Variants in TMEM132D observed in about 807,000 individuals in gnomAD.
TMEM132D encodes the protein transmembrane protein 132D.
A neutral mutation model predicts 62.3 loss-of-function variants in TMEM132D; 21 were observed. The ratio of observed to expected loss-of-function variants is 0.34; its 90% CI spans 0.24 to 0.49. The LOEUF (loss-of-function observed/expected upper bound fraction) is 0.49. TMEM132D is among the 20% of genes least tolerant of loss of function. The probability of loss-of-function intolerance (pLI) is 0.99; values close to 1 mark genes in which losing one functional copy is unlikely to be tolerated. For synonymous variants in TMEM132D, 621 were observed against 575.6 expected, an observed-to-expected ratio of 1.08 and a Z score of -1.13; for missense variants, 1,346 against 1,402.8, an observed-to-expected ratio of 0.96 and a Z score of 0.65.
chr12:129,499,098 G>A (rs1875048476), intron 3 of TMEM132D, among the ~76,000 whole-genome samples: 1 of 152,076 alleles, frequency 6.6e-6, no homozygotes, highest in Non-Finnish European at 1.5e-5. Context: ...AACTAGTATA[G>A]GAAGAGAAAA....
chr12:129,417,240 A>G (rs1462244177), intron 3 of TMEM132D, among the ~76,000 whole-genome samples: 2 of 152,148 alleles, frequency 1.3e-5, no homozygotes, highest in Non-Finnish European at 1.5e-5. Flanking sequence ...CCCTATAGCC[A>G]AGACAATCCT....
intron 3 of TMEM132D, among the ~76,000 whole-genome samples, chr12:129,404,248 G>T (rs1162459286): frequency 1.3e-5 from 2 of 152,106 alleles, no homozygotes; most frequent in Non-Finnish European, 2.9e-5. Context: ...GCCCAGGCTG[G>T]AGTGCAGTGG....
chr12:129,584,810 A>G (rs763020238), intron 2 of TMEM132D, among the ~76,000 whole-genome samples: 3 of 152,218 alleles, frequency 2.0e-5, no homozygotes, highest in Non-Finnish European at 4.4e-5. Context: ...TCAATCATAC[A>G]TAATGAAATT....
At chr12:129,278,561 G>A (rs889170762) in intron 4 of TMEM132D, among the ~76,000 whole-genome samples, 1 of 152,158 alleles carries the variant, frequency 6.6e-6, no homozygotes, top group African/African-American at 2.4e-5. Flanking sequence ...TGACTGTCTA[G>A]GGCCAAGAAG....
chr12:129,189,613 G>C (rs533110696), intron 5 of TMEM132D, among the ~76,000 whole-genome samples: 1 of 152,238 alleles, frequency 6.6e-6, no homozygotes, highest in African/African-American at 2.4e-5. Context: ...GAGTCCCCAC[G>C]GGAAATCACA....
intron 1 of TMEM132D, among the ~76,000 whole-genome samples, chr12:129,891,471 G>T (rs1440205582): frequency 6.6e-6 from 1 of 152,146 alleles, no homozygotes; most frequent in Non-Finnish European, 1.5e-5. Flanking sequence ...CGTTGGGTGC[G>T]GCTGAAATTG....
intron 1 of TMEM132D, among the ~76,000 whole-genome samples, chr12:129,733,396 A>G (rs567599608): frequency 2.0e-5 from 3 of 152,278 alleles, no homozygotes; most frequent in East Asian, 1.9e-4. Flanking sequence ...ATCGCCCCAG[A>G]TAAGATCCTG....
intron 3 of TMEM132D, among the ~76,000 whole-genome samples, chr12:129,456,569 C>T (rs1368779399): frequency 3.9e-5 from 6 of 152,204 alleles, no homozygotes; most frequent in Non-Finnish European, 8.8e-5. Context: ...AGAATAAAAA[C>T]TGTTCTTTGT....
chr12:129,189,470 G>A (rs1878322111), intron 5 of TMEM132D, among the ~76,000 whole-genome samples: 1 of 152,148 alleles, frequency 6.6e-6, no homozygotes, highest in Admixed American at 6.5e-5. Context: ...TGCACATGGT[G>A]AGGAAAGAGG....
intron 4 of TMEM132D, among the ~76,000 whole-genome samples, chr12:129,213,492 C>T (rs1211222732): frequency 1.4e-5 from 2 of 143,476 alleles, no homozygotes; most frequent in Admixed American, 7.2e-5. Context: ...GCGAGGCCTT[C>T]TCTCAAAACA....
intron 4 of TMEM132D, among the ~76,000 whole-genome samples, chr12:129,297,617 T>C (rs1311211498): frequency 6.6e-6 from 1 of 152,132 alleles, no homozygotes; most frequent in African/African-American, 2.4e-5. Context: ...TCTGATCGGG[T>C]CAGCTGCACA....
At chr12:129,119,395 G>A (rs1875991903) in intron 5 of TMEM132D, among the ~76,000 whole-genome samples, 1 of 152,058 alleles carries the variant, frequency 6.6e-6, no homozygotes, top group Non-Finnish European at 1.5e-5. Context: ...AGTGAATAAC[G>A]GGATTAGAAA....
intron 5 of TMEM132D, among the ~76,000 whole-genome samples, chr12:129,177,640 T>C (rs1030463441): frequency 6.6e-6 from 1 of 152,048 alleles, no homozygotes; most frequent in Non-Finnish European, 1.5e-5. Context: ...TACCTATAGT[T>C]CCAGCTACTT....
intron 3 of TMEM132D, among the ~76,000 whole-genome samples, chr12:129,405,853 G>A (rs780566693): frequency 3.9e-5 from 6 of 151,990 alleles, no homozygotes; most frequent in African/African-American, 9.7e-5. Flanking sequence ...AAACTGGGGG[G>A]CAAGATTTCA....
Position 129,782,108 on chromosome 12 carries a change from G to A in TMEM132D, c.80-81410C>T, listed in dbSNP as rs556309668. ...AGTACAGGCTGAGTATCCCTTACCC[G>A]AAATGCCTGGAACCAGAAGTGTTTT... On this transcript the variant is annotated intron_variant, in intron 1 of 8. Coordinates refer to ENST00000422113, the MANE Select transcript of TMEM132D (RefSeq NM_133448.3). 5.9e-5 allele frequency among the ~76,000 whole-genome samples: 9 copies of A among 152,264 alleles called. No homozygotes were observed. The South Asian group carries it at 8.3e-4, about 14-fold the overall frequency.
chr12:129,290,547 A>G (rs1285387551), intron 4 of TMEM132D, among the ~76,000 whole-genome samples: 1 of 152,210 alleles, frequency 6.6e-6, no homozygotes, highest in Non-Finnish European at 1.5e-5. Flanking sequence ...GAAACCATTT[A>G]TGTTGAAATA....
chr12:129,764,317 C>T (rs568503613), intron 1 of TMEM132D, among the ~76,000 whole-genome samples: 4 of 152,240 alleles, frequency 2.6e-5, no homozygotes, highest in East Asian at 1.9e-4. Context: ...AAATATAGGA[C>T]GTCTTCCTAG....
At chr12:129,132,600 T>C (rs1487313539) in intron 5 of TMEM132D, among the ~76,000 whole-genome samples, 1 of 152,216 alleles carries the variant, frequency 6.6e-6, no homozygotes, top group Non-Finnish European at 1.5e-5. Flanking sequence ...AATCCCTGCA[T>C]TTCACTCACC....
In TMEM132D at chr12:129,699,694, C is replaced by T. The variant is rs1593125547; in HGVS notation, c.968+116G>A. On this transcript the variant is annotated intron_variant, in intron 2 of 8. Transcript: ENST00000422113. ...ACGGTGCAGATGGAGTTTGTAAGAACGGGAAGGCCGGCTCTACTTCGGTGA... is the reference window on the plus strand; with the variant it reads ...ACGGTGCAGATGGAGTTTGTAAGAATGGGAAGGCCGGCTCTACTTCGGTGA... The T allele has an allele frequency of 9.8e-6, 13 of 1,325,714 alleles. No homozygotes were observed. In the East Asian group the frequency reaches 1.2e-4, roughly 12 times the overall value. 82.1% of individuals were successfully genotyped at this position (1,325,714 alleles called of 1,614,324 possible).
Sources: gnomAD v4.1 joint callset for allele counts (sites outside exome capture counted in the v4.1 genomes callset) on GRCh38, gnomAD v4.1.1 for gene constraint, MANE v1.5 for transcripts, NCBI Gene and HGNC (gene_info 2026-07-23, HGNC 2026-07-21) for gene names.